The following SLC2A13 variants were observed in gnomAD, a reference collection of about 807,000 sequenced individuals.
SLC2A13 encodes the protein solute carrier family 2 member 13, also known as proton myo-inositol cotransporter.
Under a neutral mutation model 64.4 loss-of-function variants are expected in SLC2A13, and 32 were observed. The observed-to-expected ratio is 0.50, with a 90% CI of 0.37 to 0.67. The LOEUF is 0.67. Ranked by LOEUF, SLC2A13 falls within the 30% of genes least tolerant of loss-of-function variation. The pLI is 0.00. For synonymous variants in SLC2A13, 338 were observed against 327.1 expected (o/e 1.03, Z -0.36); for missense variants, 743 against 829.2 (o/e 0.90, Z 1.28).
At chr12:40,017,848 A>C (rs1441620795) in intron 3 of SLC2A13, among the ~76,000 whole-genome samples, 1 of 152,110 alleles carries the variant, frequency 6.6e-6, no homozygotes, top group East Asian at 1.9e-4. Flanking sequence ...ACTTCTTTAG[A>C]GGTTCCTCTG....
intron 6 of SLC2A13, among the ~76,000 whole-genome samples, chr12:39,859,333 G>GAAAAA (rs34726316): frequency 1.6e-5 from 1 of 62,012 alleles, no homozygotes; most frequent in Non-Finnish European, 2.8e-5. Flanking sequence ...TTTTTTTTCT[G>GAAAAA]AAAAAAAAAA....
intron 3 of SLC2A13, among the ~76,000 whole-genome samples, chr12:39,976,236 C>A (rs1211260681): frequency 6.6e-6 from 1 of 152,172 alleles, no homozygotes; most frequent in Non-Finnish European, 1.5e-5. Flanking sequence ...CTCTCCATAT[C>A]CCACCATCTT....
At chr12:40,086,031 G>A (rs755151247) in intron 1 of SLC2A13, among the ~76,000 whole-genome samples, 6 of 152,136 alleles carry the variant, frequency 3.9e-5, no homozygotes, top group Admixed American at 6.5e-5. Flanking sequence ...TAGCGACAGG[G>A]TTTCACCATA....
chr12:40,028,475 T>C lies in SLC2A13; in HGVS notation c.751A>G (p.Ile251Val), dbSNP rs757985790. The C allele has an allele frequency of 1.2e-6, 2 of 1,614,018 alleles. No homozygotes were observed. The highest frequency in any genetic ancestry group is 1.7e-5 in the Admixed American group (1 of 60,010). Reference protein sequence around the residue: ...MLGLAAVPAVIQFFGFLFLPE... With the variant: ...MLGLAAVPAVVQFFGFLFLPE... ...AAAAAGAGAAAGCCAAAAAACTGTATAACCGCCGGAACTGCTGCAAGTCCC... is the reference window on the plus strand; with the variant it reads ...AAAAAGAGAAAGCCAAAAAACTGTACAACCGCCGGAACTGCTGCAAGTCCC... Residue 251 changes from isoleucine to valine, a missense_variant, in exon 3 of 10, where the codon ATA (isoleucine) becomes GTA (valine). Around this residue, in one of 2 missense-constraint regions of SLC2A13, gnomAD observed 448 missense variants for 447.4 expected, o/e 1.00. Transcript: ENST00000280871.
chr12:39,968,837 T>C (rs1165618351), intron 3 of SLC2A13, among the ~76,000 whole-genome samples: 1 of 149,082 alleles, frequency 6.7e-6, no homozygotes, highest in Non-Finnish European at 1.5e-5. Context: ...CTAGGGTACA[T>C]GTGCACAACG....
chr12:39,793,741 CA>C (rs1941482157), intron 7 of SLC2A13, among the ~76,000 whole-genome samples: 1 of 152,120 alleles, frequency 6.6e-6, no homozygotes, highest in East Asian at 1.9e-4. Context: ...ATTATTCATG[CA>C]CCTGCTTTTC....
intron 1 of SLC2A13, among the ~76,000 whole-genome samples, chr12:40,094,587 A>C (rs1371588816): frequency 1.3e-5 from 2 of 152,212 alleles, no homozygotes; most frequent in Non-Finnish European, 2.9e-5. Flanking sequence ...CACAGAGGGC[A>C]CAGTAAAGTT....
chr12:39,842,125 T>C (rs1943194341), intron 6 of SLC2A13, among the ~76,000 whole-genome samples: 3 of 152,072 alleles, frequency 2.0e-5, no homozygotes, highest in African/African-American at 4.8e-5. Flanking sequence ...AACCTAAGGA[T>C]GTTGACTTCC....
chr12:39,856,413 G>A (rs1047284648), intron 6 of SLC2A13, among the ~76,000 whole-genome samples: 1 of 152,144 alleles, frequency 6.6e-6, no homozygotes, highest in Non-Finnish European at 1.5e-5. Context: ...TCTGTCGCCA[G>A]GCTGGTGTGC....
At chr12:39,915,354 G>T (rs1945505300) in intron 4 of SLC2A13, among the ~76,000 whole-genome samples, 1 of 151,874 alleles carries the variant, frequency 6.6e-6, no homozygotes, top group Non-Finnish European at 1.5e-5. Context: ...GTTAACAGTG[G>T]CAGGAAAAGA....
Position 40,105,430 on chromosome 12 carries a change from T to C in SLC2A13, c.379A>G (p.Thr127Ala), listed in dbSNP as rs1939275075. Residue 127 changes from threonine to alanine, a missense_variant, in exon 1 of 10, where the codon ACG (threonine) becomes GCG (alanine). By Grantham distance (58) the Thr-to-Ala change is moderately conservative. Transcript: ENST00000280871. The surrounding 1 kb of genome is among the most constrained non-coding windows in gnomAD (Gnocchi z 4.2). Reference protein sequence around the residue: ...ALWQELLVSSTVGAAAVSALA... With the variant: ...ALWQELLVSSAVGAAAVSALA... Reference sequence around the variant, plus strand: ...GCCGAGACGGCAGCCGCCCCCACCGTGCTGGACACCAGCAGCTCCTGCCAC... The same window carrying C: ...GCCGAGACGGCAGCCGCCCCCACCGCGCTGGACACCAGCAGCTCCTGCCAC... 1 of 1,553,864 alleles carries C rather than the reference T, an allele frequency of 6.4e-7. No homozygotes were observed. The highest frequency in any genetic ancestry group is 8.7e-7 in the Non-Finnish European group (1 of 1,149,690).
chr12:39,875,038 A>G (rs1944147384), intron 4 of SLC2A13, among the ~76,000 whole-genome samples: 1 of 152,192 alleles, frequency 6.6e-6, no homozygotes. Flanking sequence ...CTTGATTTTC[A>G]TCTTCCTTTC....
chr12:39,816,162 G>T (rs897383956), intron 7 of SLC2A13, among the ~76,000 whole-genome samples: 2 of 152,080 alleles, frequency 1.3e-5, no homozygotes, highest in Non-Finnish European at 2.9e-5. Context: ...TGAACTTGGG[G>T]TTTGTTTCTG....
intron 1 of SLC2A13, among the ~76,000 whole-genome samples, chr12:40,102,331 C>CT (rs1176793252): frequency 6.6e-6 from 1 of 152,180 alleles, no homozygotes; most frequent in Non-Finnish European, 1.5e-5. Flanking sequence ...CAACCAAAAC[C>CT]TTTAGATGCC....
At chr12:40,015,773 T>C (rs1947611252) in intron 3 of SLC2A13, among the ~76,000 whole-genome samples, 1 of 152,142 alleles carries the variant, frequency 6.6e-6, no homozygotes, top group Non-Finnish European at 1.5e-5. Flanking sequence ...GGCAGATGGG[T>C]TGGAATTCTG....
intron 1 of SLC2A13, among the ~76,000 whole-genome samples, chr12:40,067,089 T>C (rs375075882): frequency 1.3e-5 from 2 of 152,294 alleles, no homozygotes; most frequent in South Asian, 4.1e-4. Context: ...ACTTACCTGG[T>C]TCCCGGTGTA....
intron 3 of SLC2A13, among the ~76,000 whole-genome samples, chr12:40,003,741 T>C (rs1283608839): frequency 1.3e-5 from 2 of 151,986 alleles, no homozygotes; most frequent in Admixed American, 1.3e-4. Flanking sequence ...GTACCAGACA[T>C]TTTTTCTCAT....
At chr12:39,984,822 A>T (rs949854193) in intron 3 of SLC2A13, among the ~76,000 whole-genome samples, 5 of 152,146 alleles carry the variant, frequency 3.3e-5, no homozygotes, top group African/African-American at 1.2e-4. Context: ...AAGTAGCAAA[A>T]CACACAGCCC....
chr12:40,105,413 G>A lies in SLC2A13; in HGVS notation c.396C>T (p.Ala132=), dbSNP rs1193850842. 5.8e-6 allele frequency: 9 copies of A among 1,550,096 alleles called. No homozygotes were observed. The highest frequency in any genetic ancestry group is 7.8e-6 in the Non-Finnish European group (9 of 1,148,200). The change falls in exon 1 of 10, where the codon GCC becomes GCT. Residue 132 remains alanine (A), a synonymous_variant. Coordinates refer to ENST00000280871, the MANE Select transcript of SLC2A13 (RefSeq NM_052885.4). This position sits in a 1 kb window ranked among gnomAD's most constrained non-coding sequence, Gnocchi z 4.2. ...GGGCGCCTCCGGCCAGCGCCGAGAC[G>A]GCAGCCGCCCCCACCGTGCTGGACA... ...LLVSSTVGAA[A]VSALAGGALN... is the part of the protein sequence containing the mutation.
Sources: gnomAD v4.1 joint callset for allele counts (sites outside exome capture counted in the v4.1 genomes callset) on GRCh38, gnomAD v4.1.1 for gene constraint, gnomAD v4.1.1 regional missense constraint, Gnocchi (gnomAD v3.1) non-coding constraint, MANE v1.5 for transcripts, NCBI Gene and HGNC (gene_info 2026-07-23, HGNC 2026-07-21) for gene names.